The following KDM3B variants were observed in gnomAD, a reference collection of about 807,000 sequenced individuals.
KDM3B encodes lysine demethylase 3B, also known as lysine-specific demethylase 3B.
In KDM3B, 10 loss-of-function variants were observed where a neutral mutation model predicts 170.0. The ratio of observed to expected loss-of-function variants is 0.06; its 90% CI spans 0.04 to 0.10. KDM3B has a LOEUF of 0.10. Ranked by LOEUF, KDM3B falls within the 10% of genes least tolerant of loss-of-function variation. KDM3B has a pLI of 1.00. For missense variants in KDM3B, 1,394 were observed against 2,195.2 expected, an observed-to-expected ratio of 0.64 and a Z score of 7.29; for synonymous variants, 831 against 834.8, an observed-to-expected ratio of 1.00 and a Z score of 0.08.
rs1762034678 is a variant in KDM3B at position 138,377,764 on chromosome 5, A to G, written c.519A>G (p.Ala173=). ...SQNQILLEHA[A]LRETVNALIS... Reference sequence around the variant, plus strand: ...ACCAGATTCTTTTGGAACATGCTGCACTGAGAGAAACAGTTAATGCTTTGA... The same window carrying G: ...ACCAGATTCTTTTGGAACATGCTGCGCTGAGAGAAACAGTTAATGCTTTGA... Residue 173 remains alanine, a synonymous_variant, in exon 4 of 24, where the codon GCA becomes GCG. Coordinates refer to ENST00000314358, the MANE Select transcript of KDM3B (RefSeq NM_016604.4). The G allele has an allele frequency of 1.2e-6, 2 of 1,614,084 alleles. No individual in the cohort carries two copies. The highest frequency in any genetic ancestry group is 2.2e-5 in the South Asian group (2 of 91,076).
intron 6 of KDM3B, among the ~76,000 whole-genome samples, chr5:138,383,722 G>C (rs1762181435): frequency 6.6e-6 from 1 of 152,180 alleles, no homozygotes; most frequent in Non-Finnish European, 1.5e-5. Flanking sequence ...GGCCGAGGCA[G>C]GTGGATCACC....
chr5:138,426,351 G>T (rs1763390787), intron 17 of KDM3B, among the ~76,000 whole-genome samples: 2 of 151,906 alleles, frequency 1.3e-5, no homozygotes, highest in Non-Finnish European at 2.9e-5. Context: ...GAGGCGGGTG[G>T]ATCACAAGGT....
At position 138,398,352 on chromosome 5, in the gene KDM3B, A is replaced by G; in HGVS notation, c.3006A>G (p.Val1002=). The G allele has an allele frequency of 6.2e-7, 1 of 1,614,146 alleles. No homozygotes were observed. Among genetic ancestry groups the G allele is most frequent in the South Asian group, 1.1e-5 (1 of 91,074 alleles). The change falls in exon 10 of 24, where the codon GTA becomes GTG. Residue 1002 remains valine, a synonymous_variant. Coordinates refer to ENST00000314358, the MANE Select transcript of KDM3B (RefSeq NM_016604.4). ...ANVGDQFCQL[V]MSEKEAMMMV... Reference sequence around the variant, plus strand: ...TTGGGGACCAGTTCTGCCAGCTCGTAATGTCTGAGAAGGAGGCCATGATGA... The same window carrying G: ...TTGGGGACCAGTTCTGCCAGCTCGTGATGTCTGAGAAGGAGGCCATGATGA...
At position 138,391,711 on chromosome 5, in the gene KDM3B, C is replaced by G; in HGVS notation, c.2079C>G (p.Phe693Leu). 1 of 1,614,072 alleles carries G rather than the reference C, an allele frequency of 6.2e-7. No individual in the cohort carries two copies. Among genetic ancestry groups the G allele is most frequent in the South Asian group, 1.1e-5 (1 of 91,074 alleles). The change falls in exon 8 of 24, where the codon TTC (phenylalanine) becomes TTG (leucine). Residue 693 changes from phenylalanine (F) to leucine (L), a missense_variant. Phe to Leu is a conservative substitution (Grantham distance 22, BLOSUM62 0). Transcript: ENST00000314358. This position sits in a 1 kb window ranked among gnomAD's most constrained non-coding sequence, Gnocchi z 5.0. ...SASLAKKKPL[F>L]ITTDSSKLVS... ...CTTTAGCAAAGAAGAAACCCCTCTT[C>G]ATTACAACTGACTCCTCCAAGCTAG... is the stretch of plus-strand genomic sequence containing the variant.
At chr5:138,431,337 G>T in intron 22 of KDM3B, 88 bp from the exon 23 acceptor site, 1 of 1,108,922 alleles carries the variant, frequency 9.0e-7, no homozygotes, top group South Asian at 2.0e-5. Flanking sequence ...ATTTCTCAAG[G>T]GTTTTTTTAA....
chr5:138,377,867 TG>T, intron 4 of KDM3B, 42 bp downstream of exon 4: 1 of 1,392,712 alleles, frequency 7.2e-7, no homozygotes, highest in South Asian at 1.2e-5. Context: ...CTGATTCAGG[TG>T]AATGATCACT....
intron 1 of KDM3B, among the ~76,000 whole-genome samples, chr5:138,354,853 C>G (rs890772810): frequency 6.6e-6 from 1 of 152,196 alleles, no homozygotes; most frequent in African/African-American, 2.4e-5. Context: ...GCTTGTCTTA[C>G]ATGTATATCC....
chr5:138,431,705 T>C, intron 23 of KDM3B, 146 bp downstream of exon 23: 1 of 729,430 alleles, frequency 1.4e-6, no homozygotes, highest in Non-Finnish European at 2.0e-6. Context: ...TTTGGGGATA[T>C]GGAGTCCTTT....
chr5:138,409,705 G>A (rs541082789), intron 11 of KDM3B, among the ~76,000 whole-genome samples: 1 of 152,242 alleles, frequency 6.6e-6, no homozygotes, highest in South Asian at 2.1e-4. Context: ...ATCACTTGAG[G>A]CCAGGAGTTT....
intron 9 of KDM3B, among the ~76,000 whole-genome samples, chr5:138,396,699 G>T (rs1208847446): frequency 1.3e-5 from 2 of 152,110 alleles, no homozygotes; most frequent in Non-Finnish European, 2.9e-5. Flanking sequence ...GTGGGAGCTT[G>T]TGGAGGTTGT....
intron 5 of KDM3B, among the ~76,000 whole-genome samples, chr5:138,380,090 C>G (rs1333176519): frequency 6.6e-6 from 1 of 152,084 alleles, no homozygotes; most frequent in Non-Finnish European, 1.5e-5. Context: ...CGGGCTCAAG[C>G]AGTTCTCCCA....
intron 9 of KDM3B, among the ~76,000 whole-genome samples, chr5:138,396,220 C>T (rs984711786): frequency 3.3e-5 from 5 of 151,792 alleles, no homozygotes; most frequent in Non-Finnish European, 7.4e-5. Flanking sequence ...CTCAGCCTCC[C>T]GAGTAGCTGG....
Position 138,417,499 on chromosome 5 carries a change from A to G in KDM3B, c.3324A>G (p.Gly1108=). The G allele has an allele frequency of 4.3e-6, 7 of 1,614,140 alleles. No individual in the cohort carries two copies. Among genetic ancestry groups the G allele is most frequent in the Non-Finnish European group, 5.9e-6 (7 of 1,180,010 alleles). Residue 1108 remains glycine, a synonymous_variant, in exon 13 of 24, where the codon GGA becomes GGG. Transcript: ENST00000314358. ...TTTTCCCAGCTCTTTACAATATTGGAGACATGGTACATGCTGCCCGGGGCA... is the reference window on the plus strand; with the variant it reads ...TTTTCCCAGCTCTTTACAATATTGGGGACATGGTACATGCTGCCCGGGGCA... ...IIPGTALYNI[G]DMVHAARGKW...
At chr5:138,427,114 C>G (rs751649179) in intron 18 of KDM3B, 49 bp downstream of exon 18, 1 of 1,606,910 alleles carries the variant, frequency 6.2e-7, no homozygotes, top group Admixed American at 1.7e-5. Context: ...ACAAAGTAAT[C>G]ACAGAAAAGT....
At chr5:138,401,460 C>T (rs1013720748) in intron 11 of KDM3B, among the ~76,000 whole-genome samples, 5 of 152,162 alleles carry the variant, frequency 3.3e-5, no homozygotes, top group Admixed American at 3.3e-4. Flanking sequence ...ACCATTCATT[C>T]CTTTGCATTG....
rs577809606 is a variant in KDM3B at position 138,435,150 on chromosome 5, G to A, written c.5206-470G>A. ...CATATAAGCACGAAGGGAAAAAATA[G>A]GCCATAATCCTGCTTTCCCCTCTTG... On this transcript the variant is annotated intron_variant, in intron 23 of 23. Transcript: ENST00000314358. Among the ~76,000 whole-genome samples the A allele has an allele frequency of 2.0e-5, 3 of 152,278 alleles. No homozygotes were observed. The East Asian group carries it at 5.8e-4, about 29-fold the overall frequency.
intron 1 of KDM3B, among the ~76,000 whole-genome samples, chr5:138,362,953 A>G (rs1200308455): frequency 1.3e-5 from 2 of 151,050 alleles, no homozygotes; most frequent in African/African-American, 4.8e-5. Context: ...TATTTCTATA[A>G]TTTCTATAGA....
At chr5:138,381,467 A>G in intron 5 of KDM3B, 49 bp from the exon 6 acceptor site, 1 of 1,103,452 alleles carries the variant, frequency 9.1e-7, no homozygotes. Context: ...TTATATAATT[A>G]TGTCTTTATG....
intron 12 of KDM3B, among the ~76,000 whole-genome samples, chr5:138,415,486 G>A (rs1316142591): frequency 1.3e-5 from 2 of 152,088 alleles, no homozygotes; most frequent in Non-Finnish European, 2.9e-5. Flanking sequence ...CACCCAGGCT[G>A]GAGTGCAGTG....
Sources: gnomAD v4.1 joint callset for allele counts (sites outside exome capture counted in the v4.1 genomes callset) on GRCh38, gnomAD v4.1.1 for gene constraint, Gnocchi (gnomAD v3.1) non-coding constraint, MANE v1.5 for transcripts, NCBI Gene and HGNC (gene_info 2026-07-23, HGNC 2026-07-21) for gene names.